Variants in WDTC1 observed in about 807,000 individuals in gnomAD.
WDTC1 encodes the protein WD and tetratricopeptide repeats protein 1.
WDTC1 carries 12 observed loss-of-function variants against 76.0 expected under a neutral mutation model. That is an observed-to-expected ratio of 0.16 (90% confidence interval 0.10 to 0.26). The LOEUF (loss-of-function observed/expected upper bound fraction) is 0.26, where lower values mean the gene tolerates loss of function less well. Ranked by LOEUF, WDTC1 falls within the 10% of genes least tolerant of loss-of-function variation. The pLI is 1.00. For missense variants in WDTC1, 511 were observed against 908.8 expected (o/e 0.56, Z 5.63); for synonymous variants, 326 against 350.8 (o/e 0.93, Z 0.79).
At chr1:27,239,664 A>C (rs904479077) in intron 1 of WDTC1, among the ~76,000 whole-genome samples, 1 of 150,768 alleles carries the variant, frequency 6.6e-6, no homozygotes, top group Non-Finnish European at 1.5e-5. Context: ...AAATACAAAA[A>C]ATTAGCCAGC....
intron 12 of WDTC1, among the ~76,000 whole-genome samples, chr1:27,300,498 G>A (rs915701246): frequency 2.6e-5 from 4 of 152,028 alleles, no homozygotes; most frequent in Non-Finnish European, 1.5e-5. Context: ...CTCTTTCCCC[G>A]CTTCCCCATC....
rs921223315 is a variant in WDTC1 at position 27,234,708 on chromosome 1, C to T, written c.-343C>T. On this transcript the variant is annotated 5_prime_UTR_variant, in exon 1 of 16. Transcript: ENST00000319394. ...AGGGAGGGGAGTGCGTGTGTGAGAG[C>T]GCGCGAGGGAGTGTGAGTGTGTGTG... is the stretch of plus-strand genomic sequence containing the variant. 2.5e-5 allele frequency: 10 copies of T among 397,640 alleles called. No individual in the cohort carries two copies. The highest frequency in any genetic ancestry group is 4.4e-5 in the Non-Finnish European group (10 of 225,510). 24.6% of individuals were successfully genotyped at this position (397,640 alleles called of 1,614,324 possible).
rs368761376 is a variant in WDTC1 at position 27,301,285 on chromosome 1, G to A, written c.1292G>A (p.Cys431Tyr). ...CTCAAGGCCATCTCCCTAAACCCAT[G>A]CCACCTGAAGGCACACTTTCGCCTG... ...DCLKAISLNP[C>Y]HLKAHFRLAR... The change falls in exon 13 of 16, where the codon TGC becomes TAC. Residue 431 changes from cysteine (C) to tyrosine (Y), a missense_variant. Transcript: ENST00000319394. This position sits in a 1 kb window ranked among gnomAD's most constrained non-coding sequence, Gnocchi z 5.8. The A allele has an allele frequency of 6.2e-7, 1 of 1,614,028 alleles. No homozygotes were observed. The highest frequency in any genetic ancestry group is 8.5e-7 in the Non-Finnish European group (1 of 1,180,036).
intron 1 of WDTC1, among the ~76,000 whole-genome samples, chr1:27,252,842 A>G (rs2012125325): frequency 6.6e-6 from 1 of 151,944 alleles, no homozygotes; most frequent in South Asian, 2.1e-4. Context: ...GGTCTGTTAT[A>G]GTCCCTGTGG....
chr1:27,251,309 TA>T (rs765713880), intron 1 of WDTC1, among the ~76,000 whole-genome samples: 2 of 152,120 alleles, frequency 1.3e-5, no homozygotes, highest in Non-Finnish European at 2.9e-5. Flanking sequence ...GGTGATATGC[TA>T]GGCATTTTAG....
chr1:27,253,309 C>T (rs2012145692), intron 1 of WDTC1, among the ~76,000 whole-genome samples: 1 of 150,488 alleles, frequency 6.6e-6, no homozygotes, highest in Non-Finnish European at 1.5e-5. Context: ...GCCACTGCGC[C>T]CGGCCGGCCT....
chr1:27,282,414 C>A, intron 4 of WDTC1, 129 bp downstream of exon 4: 2 of 821,866 alleles, frequency 2.4e-6, no homozygotes, highest in East Asian at 2.7e-5. Context: ...TGCTGTCTGC[C>A]GTTCTTCAGC....
chr1:27,301,630 G>T lies in WDTC1; in HGVS notation c.1468+169G>T, dbSNP rs1439520809. Among the ~76,000 whole-genome samples the T allele has an allele frequency of 6.6e-6, 1 of 152,084 alleles. No individual in the cohort carries two copies. The highest frequency in any genetic ancestry group is 1.9e-4 in the East Asian group (1 of 5,180). On this transcript the variant is annotated intron_variant, in intron 13 of 15. Transcript: ENST00000319394. The surrounding 1 kb of genome is among the most constrained non-coding windows in gnomAD (Gnocchi z 5.8). ...TGGTGTCTCTCTCAGAGTGTTTCCT[G>T]GTCTGAAAAGGAGGCATGCCAGCAC...
At chr1:27,283,138 CAA>C (rs375107200) in intron 4 of WDTC1, among the ~76,000 whole-genome samples, 198 bp from the exon 5 acceptor site, 17 of 108,472 alleles carry the variant, frequency 1.6e-4, no homozygotes, top group Admixed American at 1.9e-4. Flanking sequence ...GACTCCATTT[CAA>C]AAAAAAAAAA....
intron 3 of WDTC1, among the ~76,000 whole-genome samples, chr1:27,280,224 C>G (rs2013149920): frequency 6.6e-6 from 1 of 152,176 alleles, no homozygotes; most frequent in African/African-American, 2.4e-5. Context: ...ATTACTACTC[C>G]ATATAAGTAA....
chr1:27,242,610 C>T (rs573340725), intron 1 of WDTC1, among the ~76,000 whole-genome samples: 32 of 152,178 alleles, frequency 2.1e-4, no homozygotes, highest in African/African-American at 4.1e-4. Context: ...GCTGGGATAA[C>T]GGGTATGCAC....
chr1:27,263,478 G>C (rs1449247559), intron 3 of WDTC1, among the ~76,000 whole-genome samples: 2 of 152,126 alleles, frequency 1.3e-5, no homozygotes, highest in Non-Finnish European at 1.5e-5. Flanking sequence ...CTGTCACCCA[G>C]TCTGGAGTGC....
chr1:27,297,753 A>T (rs942243306), intron 11 of WDTC1, among the ~76,000 whole-genome samples, 185 bp from the exon 12 acceptor site: 1 of 152,170 alleles, frequency 6.6e-6, no homozygotes, highest in Non-Finnish European at 1.5e-5. Context: ...TGAAATTCCA[A>T]ATGGTATTCC....
chr1:27,243,113 A>G (rs143069208), intron 1 of WDTC1, among the ~76,000 whole-genome samples: 2,810 of 152,096 alleles, frequency 0.018, 44 homozygotes, highest in Non-Finnish European at 0.03. Context: ...ACCCTAAGGA[A>G]TGGTAAGAGA....
chr1:27,251,748 G>A (rs1467339202), intron 1 of WDTC1, among the ~76,000 whole-genome samples: 1 of 152,036 alleles, frequency 6.6e-6, no homozygotes, highest in Non-Finnish European at 1.5e-5. Flanking sequence ...GACTGTGTGA[G>A]CCCAGGAGTT....
chr1:27,293,969 C>A, intron 7 of WDTC1, 53 bp from the exon 8 acceptor site: 2 of 1,563,150 alleles, frequency 1.3e-6, no homozygotes, highest in South Asian at 2.3e-5. Context: ...GTGGTCTGGT[C>A]TAGCCAGGGG....
At chr1:27,278,523 T>C (rs562079282) in intron 3 of WDTC1, among the ~76,000 whole-genome samples, 1 of 152,306 alleles carries the variant, frequency 6.6e-6, no homozygotes, top group African/African-American at 2.4e-5. Flanking sequence ...CCTGGCCCCA[T>C]GAAGCTTCTT....
At chr1:27,287,909 C>T in intron 6 of WDTC1, 48 bp downstream of exon 6, 1 of 1,573,142 alleles carries the variant, frequency 6.4e-7, no homozygotes, top group Non-Finnish European at 8.6e-7. Context: ...CCCATCCCAT[C>T]ATCCTATAGT....
intron 1 of WDTC1, among the ~76,000 whole-genome samples, chr1:27,260,248 G>T (rs1292337079): frequency 6.6e-6 from 1 of 152,076 alleles, no homozygotes; most frequent in Non-Finnish European, 1.5e-5. Context: ...GGGACTACAG[G>T]CACCCGCCAC....
Sources: gnomAD v4.1 joint callset for allele counts (sites outside exome capture counted in the v4.1 genomes callset) on GRCh38, gnomAD v4.1.1 for gene constraint, Gnocchi (gnomAD v3.1) non-coding constraint, MANE v1.5 for transcripts, NCBI Gene and HGNC (gene_info 2026-07-23, HGNC 2026-07-21) for gene names.